MYZAP: variants seen among roughly 807,000 people sequenced by gnomAD.
MYZAP encodes GRINL1A complex locus upstream.
MYZAP carries 66 observed loss-of-function variants against 69.4 expected under a neutral mutation model. That is an observed-to-expected ratio of 0.95 (90% CI 0.78 to 1.17). MYZAP has a LOEUF of 1.17. Ranked by LOEUF, MYZAP falls within the 50% of genes most tolerant of loss-of-function variation. MYZAP has a pLI of 0.00. For synonymous variants in MYZAP, 256 were observed against 205.9 expected (o/e 1.24, Z -2.09); for missense variants, 611 against 556.2 (o/e 1.10, Z -0.99).
rs752771913 is a variant in MYZAP at position 57,684,411 on chromosome 15, C to A, written c.1314C>A (p.Gly438=). 1 of 1,612,060 alleles carries A rather than the reference C, an allele frequency of 6.2e-7. No individual in the cohort carries two copies. The highest frequency in any genetic ancestry group is 1.7e-5 in the Admixed American group (1 of 59,864). The stretch of plus-strand genomic sequence containing the variant: ...TTTTCTCATTTCTCAGCCAAACAGG[C>A]AGGACTCGTGAAATTGTGATGCCTT... ...VGCDLLPSQT[G]RTREIVMPSR... The change falls in exon 13 of 13, where the codon GGC becomes GGA. Residue 438 remains glycine (G), a synonymous_variant. Transcript: ENST00000267853.
At chr15:57,593,214 A>ACACACCC (rs1172761785) in intron 1 of MYZAP, among the ~76,000 whole-genome samples, 1 of 141,346 alleles carries the variant, frequency 7.1e-6, no homozygotes, top group South Asian at 2.4e-4. Context: ...ACACACACAC[A>ACACACCC]CCCCAGAATC....
intron 11 of MYZAP, among the ~76,000 whole-genome samples, chr15:57,667,976 A>G (rs2038669753): frequency 6.6e-6 from 1 of 152,088 alleles, no homozygotes; most frequent in Admixed American, 6.5e-5. Flanking sequence ...GTCACTTTTT[A>G]TCACTTTTGG....
At chr15:57,669,878 G>A (rs1489931862) in intron 11 of MYZAP, among the ~76,000 whole-genome samples, 1 of 151,888 alleles carries the variant, frequency 6.6e-6, no homozygotes, top group East Asian at 1.9e-4. Flanking sequence ...AATTTCCCTT[G>A]AGATTTTTCT....
chr15:57,605,551 C>G lies in MYZAP; in HGVS notation c.162+1196C>G, dbSNP rs144763370. ...AAGTTTACCATAGGTCTCTGTCTCTCCTTGCCCTCTCCTCCCCACTTTCTA... is the reference window on the plus strand; with the variant it reads ...AAGTTTACCATAGGTCTCTGTCTCTGCTTGCCCTCTCCTCCCCACTTTCTA... On this transcript the variant is annotated intron_variant, in intron 2 of 12. Transcript: ENST00000267853. Among the ~76,000 whole-genome samples the G allele has an allele frequency of 9.6e-3, 1,467 of 152,266 alleles. 12 individuals carry two copies. Among genetic ancestry groups the G allele is most frequent in the South Asian group, 0.042 (201 of 4,812 alleles).
chr15:57,669,493 A>T (rs1429356018), intron 11 of MYZAP, among the ~76,000 whole-genome samples: 2 of 152,038 alleles, frequency 1.3e-5, no homozygotes, highest in Non-Finnish European at 2.9e-5. Flanking sequence ...TCCCTATCTT[A>T]TCCACTCTGT....
At chr15:57,680,852 G>C (rs1207295458) in intron 12 of MYZAP, 3 of 152,200 alleles carry the variant, frequency 2.0e-5, no homozygotes, top group Admixed American at 6.5e-5. Context: ...ACACAAAGTA[G>C]CTTTTTGTCA....
chr15:57,681,571 G>A (rs1595950133), intron 12 of MYZAP, among the ~76,000 whole-genome samples: 1 of 152,158 alleles, frequency 6.6e-6, no homozygotes, highest in Non-Finnish European at 1.5e-5. Flanking sequence ...ATCATTTGAG[G>A]CCAGGGGTTC....
intron 2 of MYZAP, among the ~76,000 whole-genome samples, chr15:57,606,910 G>A (rs1291771255): frequency 2.6e-5 from 4 of 152,190 alleles, no homozygotes; most frequent in African/African-American, 4.8e-5. Flanking sequence ...AAGTTTGGGA[G>A]TAAAAGTCCT....
chr15:57,634,130 G>T (rs544301602), intron 8 of MYZAP, among the ~76,000 whole-genome samples: 1 of 152,194 alleles, frequency 6.6e-6, no homozygotes, highest in East Asian at 1.9e-4. Flanking sequence ...TGACACGCTG[G>T]GGACTTGAGA....
At chr15:57,658,771 C>A (rs1276649854) in intron 10 of MYZAP, among the ~76,000 whole-genome samples, 1 of 152,126 alleles carries the variant, frequency 6.6e-6, no homozygotes, top group Admixed American at 6.6e-5. Flanking sequence ...GTGGTGACAA[C>A]CCAAAACATG....
chr15:57,592,790 C>T (rs2033766443), intron 1 of MYZAP, among the ~76,000 whole-genome samples: 1 of 152,188 alleles, frequency 6.6e-6, no homozygotes, highest in South Asian at 2.1e-4. Context: ...TCCAGATGCT[C>T]TGTAAAAGAA....
At chr15:57,599,661 G>A (rs1172150344) in intron 1 of MYZAP, 16 of 1,289,080 alleles carry the variant, frequency 1.2e-5, no homozygotes, top group Non-Finnish European at 7.1e-6. Flanking sequence ...GTGTATCCGA[G>A]TTTCAGGAGA....
intron 2 of MYZAP, 49 bp downstream of exon 2, chr15:57,604,404 C>T: frequency 6.2e-7 from 1 of 1,601,124 alleles, no homozygotes; most frequent in Non-Finnish European, 8.5e-7. Flanking sequence ...CCTCTATACC[C>T]TTAACCCACT....
intron 11 of MYZAP, among the ~76,000 whole-genome samples, chr15:57,674,086 C>T (rs2039002419): frequency 6.6e-6 from 1 of 152,180 alleles, no homozygotes; most frequent in Non-Finnish European, 1.5e-5. Context: ...TTTTAAAAAG[C>T]ATCCCAGAAT....
At chr15:57,613,369 T>C (rs775155465) in intron 2 of MYZAP, among the ~76,000 whole-genome samples, 1 of 152,038 alleles carries the variant, frequency 6.6e-6, no homozygotes, top group African/African-American at 2.4e-5. Flanking sequence ...AATTTAAATT[T>C]AATTTAATTT....
At chr15:57,605,107 T>C (rs2034662762) in intron 2 of MYZAP, among the ~76,000 whole-genome samples, 2 of 152,184 alleles carry the variant, frequency 1.3e-5, no homozygotes, top group Non-Finnish European at 2.9e-5. Context: ...CCCATTTTAC[T>C]CATTCATAAT....
intron 4 of MYZAP, among the ~76,000 whole-genome samples, chr15:57,624,468 G>T (rs1287743024): frequency 6.6e-6 from 1 of 152,188 alleles, no homozygotes; most frequent in Non-Finnish European, 1.5e-5. Flanking sequence ...GAATGGGGCT[G>T]TATAAACATA....
chr15:57,684,594 C>A lies in MYZAP; in HGVS notation c.*96C>A, dbSNP rs2039604902. 3 of 782,222 alleles carry A rather than the reference C, an allele frequency of 3.8e-6. No individual in the cohort carries two copies. The Admixed American group carries it at 6.6e-5, about 17-fold the overall frequency. 48.5% of individuals were successfully genotyped at this position (782,222 alleles called of 1,614,324 possible). A position where few individuals can be genotyped will look rare whatever the true frequency, so the allele number is the denominator to read the frequency against. On this transcript the variant is annotated 3_prime_UTR_variant, in exon 13 of 13. Coordinates refer to ENST00000267853, the MANE Select transcript of MYZAP (RefSeq NM_001018100.5). ...AAGGGTGACTGTTGTTTCCCCTACA[C>A]ACAGTGTAAGCCGGAATGGGAATCG...
intron 10 of MYZAP, among the ~76,000 whole-genome samples, chr15:57,653,974 C>T (rs1418173479): frequency 8.8e-6 from 1 of 113,372 alleles, no homozygotes; most frequent in South Asian, 2.9e-4. Flanking sequence ...CACTATGCTA[C>T]AGCCTGGGTT....
Sources: allele counts gnomAD v4.1 joint callset (sites outside exome capture counted in the v4.1 genomes callset), GRCh38; gene constraint gnomAD v4.1.1; transcripts MANE v1.5; gene names NCBI Gene and HGNC (gene_info 2026-07-23, HGNC 2026-07-21).